The following TARS2 variants were observed in gnomAD, a reference collection of about 807,000 sequenced individuals.
TARS2 encodes threonine--tRNA ligase, mitochondrial.
A neutral mutation model predicts 94.4 loss-of-function variants in TARS2; 61 were observed. That is an observed-to-expected ratio of 0.65 (90% confidence interval 0.53 to 0.80). The LOEUF (loss-of-function observed/expected upper bound fraction) is 0.80. Among genes scored for constraint, TARS2 ranks in the 30% least tolerant of loss-of-function variants. The pLI is 0.00. For synonymous variants in TARS2, 359 were observed against 353.4 expected, an observed-to-expected ratio of 1.02 and a Z score of -0.18; for missense variants, 704 against 902.5, an observed-to-expected ratio of 0.78 and a Z score of 2.82.
intron 7 of TARS2, 132 bp downstream of exon 7, chr1:150,492,621 C>G: frequency 1.2e-6 from 1 of 867,938 alleles, no homozygotes. Context: ...ACCAGCCTGG[C>G]CAATATGGTG....
Position 150,504,725 on chromosome 1 carries a change from G to A in TARS2, c.1812G>A (p.Gly604=), listed in dbSNP as rs144477069. ...RLLGVLAESC[G]GKWPLWLSPF... ...TGGGAGTGCTGGCAGAAAGCTGCGG[G>A]GGGAAATGGTGAGACCTCTGACCTG... Residue 604 remains glycine, a synonymous_variant, in exon 15 of 18, where the codon GGG becomes GGA. Coordinates refer to ENST00000369064, the MANE Select transcript of TARS2 (RefSeq NM_025150.5). The A allele has an allele frequency of 1.2e-6, 2 of 1,614,216 alleles. No individual in the cohort carries two copies. Among genetic ancestry groups the A allele is most frequent in the South Asian group, 1.1e-5 (1 of 91,086 alleles).
At chr1:150,490,824 G>A in intron 4 of TARS2, 99 bp downstream of exon 4, 1 of 1,550,546 alleles carries the variant, frequency 6.4e-7, no homozygotes, top group Non-Finnish European at 8.8e-7. Flanking sequence ...GAAGCTGGAG[G>A]AGAAGGGTTT....
At position 150,498,580 on chromosome 1, in the gene TARS2, C is replaced by T. The variant is rs116476409; in HGVS notation, c.1317C>T (p.Ala439=). ...CTGACTTTGGGGCTCTACACCGGGC[C>T]GAAGCCTCTGGTGGTCTGGGGGGAC... ...RLADFGALHR[A]EASGGLGGLT... is the part of the protein sequence containing the mutation. The change falls in exon 11 of 18, where the codon GCC becomes GCT. Residue 439 remains alanine, a synonymous_variant. Transcript: ENST00000369064. 18,518 of 1,610,896 alleles carry T rather than the reference C, an allele frequency of 0.011. 161 individuals are homozygous for T. Among genetic ancestry groups the T allele is most frequent in the Admixed American group, 0.024 (1,399 of 58,670 alleles).
chr1:150,499,966 T>G (rs1669839274), intron 13 of TARS2, among the ~76,000 whole-genome samples: 1 of 147,724 alleles, frequency 6.8e-6, no homozygotes, highest in Non-Finnish European at 1.5e-5. Context: ...TGAAAACACA[T>G]GGCAGACCAA....
At chr1:150,495,795 C>G (rs899967661) in intron 7 of TARS2, among the ~76,000 whole-genome samples, 1 of 152,126 alleles carries the variant, frequency 6.6e-6, no homozygotes, top group Admixed American at 6.6e-5. Flanking sequence ...TCGCGACTCA[C>G]TGCTAGCTCC....
At position 150,504,964 on chromosome 1, in the gene TARS2, G is replaced by A; in HGVS notation, c.1879G>A (p.Glu627Lys). The A allele has an allele frequency of 6.2e-7, 1 of 1,614,146 alleles. No individual in the cohort carries two copies. The highest frequency in any genetic ancestry group is 8.5e-7 in the Non-Finnish European group (1 of 1,180,032). The part of the protein sequence containing the change: ...VVIPVGSEQE[E>K]YAKEAQQSLR... ...CATCCCTGTGGGGAGTGAGCAAGAG[G>A]AATACGCCAAAGAGGTAAGGAGTTG... Residue 627 changes from glutamate to lysine, a missense_variant, in exon 16 of 18, where the codon GAA becomes AAA. By Grantham distance (56) the Glu-to-Lys change is moderately conservative. Transcript: ENST00000369064.
rs1480705584 is a variant in TARS2, at chr1:150,507,082, AGGC to A, written c.*19_*21del. The A allele has an allele frequency of 1.9e-6, 3 of 1,613,196 alleles. No individual in the cohort carries two copies. In the African/African-American group the frequency reaches 4.0e-5, roughly 22 times the overall value. On this transcript the variant is annotated 3_prime_UTR_variant, in exon 18 of 18. Transcript: ENST00000369064. ...TTTTCTGAGCCTTTGTACATAGATG[AGGC>A]AAAAACCTGCGAGTGCCATCAGCCT... is the stretch of plus-strand genomic sequence containing the variant.
chr1:150,503,827 C>T (rs1377003413), intron 13 of TARS2, among the ~76,000 whole-genome samples: 2 of 148,662 alleles, frequency 1.3e-5, no homozygotes, highest in African/African-American at 2.5e-5. Context: ...CGCTTGAACC[C>T]GGGAGGCGGA....
At chr1:150,494,876 A>T (rs1669583815) in intron 7 of TARS2, among the ~76,000 whole-genome samples, 1 of 151,962 alleles carries the variant, frequency 6.6e-6, no homozygotes, top group Admixed American at 6.6e-5. Flanking sequence ...TCTCTACTAA[A>T]AATACAAAAA....
Position 150,488,062 on chromosome 1 carries a change from G to A in TARS2, c.263+8G>A, listed in dbSNP as rs146092962. On this transcript the variant is annotated splice_region_variant and intron_variant, in intron 2 of 17. Transcript: ENST00000369064. ...ACTAGCCCGGCAGATCAGGTAACAG[G>A]CCCATCCTGTAACTACCAGGATTAT... is the stretch of plus-strand genomic sequence containing the variant. The A allele has an allele frequency of 6.2e-6, 10 of 1,613,216 alleles. No homozygotes were observed. The highest frequency in any genetic ancestry group is 8.5e-6 in the Non-Finnish European group (10 of 1,179,560).
Position 150,506,963 on chromosome 1 carries a change from C to T in TARS2, c.2056C>T (p.Arg686Ter), listed in dbSNP as rs755744805. Residue 686 changes from arginine to a stop codon, truncating the protein, a stop_gained, in exon 18 of 18, where the codon CGA (arginine) becomes TGA (stop). Coordinates refer to ENST00000369064, the MANE Select transcript of TARS2 (RefSeq NM_025150.5). LOFTEE classifies it high-confidence loss of function. ...TAAGAGAACAGTGAACATTCGGACT[C>T]GAGATAATCGTCGCCTTGGGGAGTG... Reference protein sequence around the residue: ...QSKRTVNIRTRDNRRLGEWDL... With the variant: ...QSKRTVNIRT 6 of 1,614,136 alleles carry T rather than the reference C, an allele frequency of 3.7e-6. No individual in the cohort carries two copies. The highest frequency in any genetic ancestry group is 5.1e-6 in the Non-Finnish European group (6 of 1,180,036).
intron 13 of TARS2, among the ~76,000 whole-genome samples, chr1:150,500,818 C>T (rs1176894865): frequency 6.6e-6 from 1 of 152,092 alleles, no homozygotes; most frequent in Non-Finnish European, 1.5e-5. Flanking sequence ...AGTGAGGCTC[C>T]ATCTCAGAAA....
chr1:150,502,016 G>A (rs990314644), intron 13 of TARS2, among the ~76,000 whole-genome samples: 4 of 151,780 alleles, frequency 2.6e-5, no homozygotes, highest in Non-Finnish European at 4.4e-5. Flanking sequence ...AGGTTCAAGC[G>A]ATTCTCCTGC....
At chr1:150,503,504 A>G (rs1670012765) in intron 13 of TARS2, among the ~76,000 whole-genome samples, 1 of 150,944 alleles carries the variant, frequency 6.6e-6, no homozygotes, top group South Asian at 2.1e-4. Context: ...CCTTGCCAAC[A>G]TGGTGAAACC....
Position 150,490,745 on chromosome 1 carries a change from A to G in TARS2, c.512+20A>G. 6.2e-7 allele frequency: 1 copy of G among 1,613,098 alleles called. No individual in the cohort carries two copies. Among genetic ancestry groups the G allele is most frequent in the Non-Finnish European group, 8.5e-7 (1 of 1,179,796 alleles). On this transcript the variant is annotated intron_variant, in intron 4 of 17. Coordinates refer to ENST00000369064, the MANE Select transcript of TARS2 (RefSeq NM_025150.5). ...GGAGAGGTGAGTAATGAAAGGAAGG[A>G]GGAGAATGATTCTGGGATGGTTTCT... is the stretch of plus-strand genomic sequence containing the variant.
In TARS2 at chr1:150,503,708, TACACAC is replaced by T. The variant is rs199826529; in HGVS notation, c.1618-613_1618-608del. On this transcript the variant is annotated intron_variant, in intron 13 of 17. Transcript: ENST00000369064. ...GTGTATATATATGTGTGTGTATATA[TACACAC>T]ACACACACACACATATACACACACA... 5.7e-3 allele frequency among the ~76,000 whole-genome samples: 830 copies of T among 146,388 alleles called. 44 individuals are homozygous for T. The East Asian group carries it at 0.14, about 24-fold the overall frequency.
intron 1 of TARS2, 143 bp from the exon 2 acceptor site, chr1:150,487,715 G>A: frequency 7.7e-7 from 1 of 1,291,936 alleles, no homozygotes; most frequent in Non-Finnish European, 1.1e-6. Flanking sequence ...AGGACCCCCA[G>A]CCTAGGGTCT....
At chr1:150,492,618 T>A (rs1165510849) in intron 7 of TARS2, 129 bp downstream of exon 7, 11 of 884,832 alleles carry the variant, frequency 1.2e-5, no homozygotes, top group Non-Finnish European at 1.8e-5. Context: ...GAGACCAGCC[T>A]GGCCAATATG....
chr1:150,499,155 C>G (rs587710336), intron 12 of TARS2, 61 bp from the exon 13 acceptor site: 2 of 1,610,124 alleles, frequency 1.2e-6, no homozygotes, highest in South Asian at 1.1e-5. Context: ...GGGGACTGAC[C>G]GGATGTGTTG....
Sources: gnomAD v4.1 joint callset for allele counts (sites outside exome capture counted in the v4.1 genomes callset) on GRCh38, gnomAD v4.1.1 for gene constraint, MANE v1.5 for transcripts, NCBI Gene and HGNC (gene_info 2026-07-23, HGNC 2026-07-21) for gene names.